Variants in ATAD2B observed in about 807,000 individuals in gnomAD.
The protein encoded by ATAD2B is ATPase family AAA domain-containing protein 2B.
ATAD2B carries 40 observed loss-of-function variants against 167.6 expected under a neutral mutation model. The ratio of observed to expected loss-of-function variants is 0.24; its 90% CI spans 0.19 to 0.31. The LOEUF (loss-of-function observed/expected upper bound fraction) is 0.31, where lower values mean the gene tolerates loss of function less well. Among genes scored for constraint, ATAD2B ranks in the 10% least tolerant of loss-of-function variants. The pLI is 1.00. For synonymous variants in ATAD2B, 579 were observed against 596.5 expected (o/e 0.97, Z 0.43); for missense variants, 1,242 against 1,757.2 (o/e 0.71, Z 5.24).
At chr2:23,693,747 G>A in the ATAD2B span, among the ~76,000 whole-genome samples, 15 of 152,330 alleles carry the variant, frequency 9.8e-5, no homozygotes, top group Non-Finnish European at 1.9e-4. Context: ...GCCAAGAGCC[G>A]CAGCACCTGC....
chr2:23,716,438 ATTGTTGTTGTTGTTG>A, the ATAD2B span, among the ~76,000 whole-genome samples: 1 of 150,090 alleles, frequency 6.7e-6, no homozygotes, highest in African/African-American at 2.4e-5. Flanking sequence ...GGGACCTTTC[ATTGTTGTTGTTGTTG>A]TTGTTGTTGT....
the ATAD2B span, among the ~76,000 whole-genome samples, chr2:23,702,681 G>A: frequency 6.6e-6 from 1 of 152,114 alleles, no homozygotes; most frequent in Non-Finnish European, 1.5e-5. Context: ...TGCACCTTGG[G>A]TTTCTCACCT....
chr2:23,861,736 C>T (rs1172216693), intron 12 of ATAD2B, among the ~76,000 whole-genome samples: 3 of 151,878 alleles, frequency 2.0e-5, no homozygotes, highest in African/African-American at 7.3e-5. Flanking sequence ...CAAGCCAATT[C>T]TTCCTTCATC....
intron 21 of ATAD2B, 107 bp downstream of exon 21, chr2:23,785,920 T>G (rs1572742643): frequency 1.1e-6 from 1 of 939,746 alleles, no homozygotes. Context: ...AGGCTAGGGG[T>G]AATATTCATC....
chr2:23,732,414 G>C, the ATAD2B span, among the ~76,000 whole-genome samples: 1 of 152,172 alleles, frequency 6.6e-6, no homozygotes, highest in South Asian at 2.1e-4. Context: ...ATGTTAGGAT[G>C]GTGGTTACAT....
chr2:23,684,695 C>A, the ATAD2B span, among the ~76,000 whole-genome samples: 1 of 152,118 alleles, frequency 6.6e-6, no homozygotes, highest in Non-Finnish European at 1.5e-5. The surrounding 1 kb of genome is among the most constrained non-coding windows in gnomAD (Gnocchi z 4.4). Context: ...TCCCCAGTAC[C>A]CTCTCACACA....
At chr2:23,764,973 A>C (rs1677211009) in intron 23 of ATAD2B, among the ~76,000 whole-genome samples, 1 of 152,226 alleles carries the variant, frequency 6.6e-6, no homozygotes, top group South Asian at 2.1e-4. Context: ...ACATGCTTCA[A>C]CCAGTGCATA....
chr2:23,741,946 T>C, the ATAD2B span, among the ~76,000 whole-genome samples: 4 of 151,990 alleles, frequency 2.6e-5, no homozygotes, highest in Non-Finnish European at 5.9e-5. Context: ...AAAAAACACA[T>C]GAAAAAATGC....
chr2:23,724,324 C>T, the ATAD2B span, among the ~76,000 whole-genome samples: 2 of 152,104 alleles, frequency 1.3e-5, no homozygotes, highest in African/African-American at 2.4e-5. Context: ...ATATTAATTA[C>T]CCTGATCTGA....
the ATAD2B span, chr2:23,695,748 C>T: frequency 1.9e-6 from 3 of 1,551,392 alleles, no homozygotes. The surrounding 1 kb of genome is among the most constrained non-coding windows in gnomAD (Gnocchi z 7.6). Context: ...TGAACGAGGC[C>T]AAACGCTACC....
chr2:23,869,783 C>T (rs1387371304), intron 8 of ATAD2B, 22 bp from the exon 9 acceptor site: 2 of 1,485,060 alleles, frequency 1.3e-6, no homozygotes, highest in Admixed American at 4.1e-5. Context: ...GAGTAAAATC[C>T]TTAAAACCAT....
chr2:23,866,400 C>T (rs1397385550), intron 10 of ATAD2B, among the ~76,000 whole-genome samples: 1 of 151,710 alleles, frequency 6.6e-6, no homozygotes, highest in African/African-American at 2.4e-5. Flanking sequence ...AGCGAAACTC[C>T]ATCTCAAAAA....
chr2:23,893,900 G>A (rs1465606564), intron 2 of ATAD2B, among the ~76,000 whole-genome samples: 2 of 151,872 alleles, frequency 1.3e-5, no homozygotes, highest in East Asian at 3.9e-4. Flanking sequence ...CTGGGCTCAA[G>A]CAATCCTCCT....
chr2:23,878,158 C>T (rs1300615926), intron 7 of ATAD2B, among the ~76,000 whole-genome samples: 13 of 151,588 alleles, frequency 8.6e-5, no homozygotes, highest in East Asian at 1.9e-4. Flanking sequence ...GACAAGAGTT[C>T]GAGATCAGCC....
rs532883608 is a variant in ATAD2B, at chr2:23,909,142, A to T, written c.217-13172T>A. On this transcript the variant is annotated intron_variant, in intron 1 of 27. Coordinates refer to ENST00000238789, the MANE Select transcript of ATAD2B (RefSeq NM_017552.4). Reference sequence around the variant, plus strand: ...AACTTAAAGTATAATAATAATAAAAAAAAAAAAAGAAAGGCTCCTGGTCAA... The same window carrying T: ...AACTTAAAGTATAATAATAATAAAATAAAAAAAAGAAAGGCTCCTGGTCAA... Among the ~76,000 whole-genome samples the T allele has an allele frequency of 4.7e-3, 708 of 151,920 alleles. 9 individuals are homozygous for T. Among genetic ancestry groups the T allele is most frequent in the African/African-American group, 0.014 (590 of 41,464 alleles).
At chr2:23,818,263 C>CGGAG (rs1686869135) in intron 17 of ATAD2B, among the ~76,000 whole-genome samples, 1 of 12,672 alleles carries the variant, frequency 7.9e-5, no homozygotes, top group African/African-American at 2.8e-4. Flanking sequence ...GAGAGGGAGA[C>CGGAG]GGAGGGAGGG....
the ATAD2B span, among the ~76,000 whole-genome samples, chr2:23,717,910 G>A: frequency 2.6e-5 from 4 of 152,114 alleles, no homozygotes; most frequent in East Asian, 1.9e-4. Context: ...TTTTAGAAAC[G>A]CAGGCTAAAC....
chr2:23,882,074 G>C (rs536109752), intron 6 of ATAD2B, among the ~76,000 whole-genome samples: 3 of 152,224 alleles, frequency 2.0e-5, no homozygotes, highest in Admixed American at 6.5e-5. Flanking sequence ...TAAAATAAGA[G>C]TCTAGCTGGA....
chr2:23,809,966 A>G (rs776357411), intron 18 of ATAD2B, among the ~76,000 whole-genome samples: 5 of 152,178 alleles, frequency 3.3e-5, no homozygotes, highest in Non-Finnish European at 7.4e-5. Flanking sequence ...TTCCCTTTCT[A>G]TGATAAGGCT....
Sources: allele counts gnomAD v4.1 joint callset (sites outside exome capture counted in the v4.1 genomes callset), GRCh38; gene constraint gnomAD v4.1.1; non-coding constraint Gnocchi (gnomAD v3.1); transcripts MANE v1.5; gene names NCBI Gene and HGNC (gene_info 2026-07-23, HGNC 2026-07-21).